Variants in PPP2R2C observed in about 807,000 individuals in gnomAD.
PPP2R2C encodes protein phosphatase 2 regulatory subunit Bgamma.
PPP2R2C carries 10 observed loss-of-function variants against 45.3 expected under a neutral mutation model. That is an observed-to-expected ratio of 0.22 (90% confidence interval 0.14 to 0.37). The LOEUF is 0.37. PPP2R2C is among the 10% of genes least tolerant of loss of function. The pLI is 1.00. For synonymous variants in PPP2R2C, 257 were observed against 245.4 expected (o/e 1.05, Z -0.44); for missense variants, 308 against 619.7 (o/e 0.50, Z 5.34).
In PPP2R2C at chr4:6,378,151, A is replaced by G. The variant is rs112145478; in HGVS notation, c.334+256T>C. ...TGTCTGGCCATGGGGAGCTTCTGAGAGGGTCTGGCATACTCACTCATGGGA... is the reference window on the plus strand; with the variant it reads ...TGTCTGGCCATGGGGAGCTTCTGAGGGGGTCTGGCATACTCACTCATGGGA... On this transcript the variant is annotated intron_variant, in intron 3 of 8. Coordinates refer to ENST00000382599, the MANE Select transcript of PPP2R2C (RefSeq NM_020416.4). The surrounding 1 kb of genome is among the most constrained non-coding windows in gnomAD (Gnocchi z 5.2). Among the ~76,000 whole-genome samples, 2 of 151,680 alleles carry G rather than the reference A, an allele frequency of 1.3e-5. No individual in the cohort carries two copies. Among genetic ancestry groups the G allele is most frequent in the Admixed American group, 6.6e-5 (1 of 15,222 alleles).
intron 1 of PPP2R2C, among the ~76,000 whole-genome samples, chr4:6,392,688 C>A (rs936592758): frequency 2.6e-5 from 4 of 152,216 alleles, no homozygotes; most frequent in Non-Finnish European, 5.9e-5. Flanking sequence ...CGGGGTCCTG[C>A]ACCCAGCAGG....
At position 6,378,351 on chromosome 4, in the gene PPP2R2C, T is replaced by C; in HGVS notation, c.334+56A>G. On this transcript the variant is annotated intron_variant, in intron 3 of 8. Transcript: ENST00000382599. The surrounding 1 kb of genome is among the most constrained non-coding windows in gnomAD (Gnocchi z 5.2). ...ATATAAGTGAAATACAAACCAGCAT[T>C]TGGTAGAAACATCTACGGCCTGTGC... The C allele has an allele frequency of 7.5e-6, 12 of 1,609,532 alleles. No homozygotes were observed. The highest frequency in any genetic ancestry group is 9.3e-6 in the Non-Finnish European group (11 of 1,178,576).
intron 2 of PPP2R2C, among the ~76,000 whole-genome samples, chr4:6,514,275 G>T (rs1349868565): frequency 3.3e-5 from 5 of 152,312 alleles, no homozygotes; most frequent in African/African-American, 1.2e-4. Flanking sequence ...CCAAGTGGAG[G>T]AGTTGGTATT....
rs953236720 is a variant in PPP2R2C at position 6,372,816 on chromosome 4, C to T, written c.448-116G>A. 3.1e-5 allele frequency: 33 copies of T among 1,061,610 alleles called. No homozygotes were observed. The South Asian group carries it at 4.7e-4, about 15-fold the overall frequency. 65.8% of individuals were successfully genotyped at this position (1,061,610 alleles called of 1,614,324 possible). ...CTGGAACACAGGGGTGGGCGTCCAT[C>T]CTGATCCTCCGTGGTCTGAAATAGG... On this transcript the variant is annotated intron_variant, in intron 4 of 8. Coordinates refer to ENST00000382599, the MANE Select transcript of PPP2R2C (RefSeq NM_020416.4).
intron 2 of PPP2R2C, among the ~76,000 whole-genome samples, chr4:6,501,751 T>C (rs1241431557): frequency 6.6e-6 from 1 of 152,186 alleles, no homozygotes; most frequent in Non-Finnish European, 1.5e-5. Flanking sequence ...ATACTCACTC[T>C]CTACCTGGCC....
chr4:6,548,480 A>G (rs572039953), intron 1 of PPP2R2C, among the ~76,000 whole-genome samples: 11 of 152,320 alleles, frequency 7.2e-5, no homozygotes, highest in Admixed American at 5.9e-4. Flanking sequence ...GGATGCAAAG[A>G]CAGCACAGCG....
chr4:6,463,883 G>A (rs1391068252), intron 1 of PPP2R2C, among the ~76,000 whole-genome samples: 1 of 152,270 alleles, frequency 6.6e-6, no homozygotes, highest in African/African-American at 2.4e-5. Context: ...TCGCAACACA[G>A]ATAGCAAGAG....
chr4:6,540,760 G>A (rs1422094046), intron 1 of PPP2R2C, among the ~76,000 whole-genome samples: 3 of 152,250 alleles, frequency 2.0e-5, no homozygotes, highest in African/African-American at 4.8e-5. Flanking sequence ...GTCTTTCCTT[G>A]TGCATCAGGG....
chr4:6,538,713 C>T (rs1469721879), intron 1 of PPP2R2C, among the ~76,000 whole-genome samples: 2 of 152,224 alleles, frequency 1.3e-5, no homozygotes, highest in East Asian at 1.9e-4. Context: ...GCTACGTTCA[C>T]GAAAGAGCCG....
intron 1 of PPP2R2C, among the ~76,000 whole-genome samples, chr4:6,405,620 G>A (rs2109357620): frequency 6.6e-6 from 1 of 152,248 alleles, no homozygotes; most frequent in Non-Finnish European, 1.5e-5. Context: ...AGGTTCCTGG[G>A]GAGTGATTAG....
At chr4:6,359,596 A>T (rs1713544604) in intron 5 of PPP2R2C, among the ~76,000 whole-genome samples, 1 of 150,372 alleles carries the variant, frequency 6.7e-6, no homozygotes, top group African/African-American at 2.4e-5. Flanking sequence ...TACTAAAATA[A>T]TTTTATCATT....
chr4:6,335,353 G>A (rs970955309), intron 6 of PPP2R2C, among the ~76,000 whole-genome samples: 6 of 152,220 alleles, frequency 3.9e-5, no homozygotes, highest in Non-Finnish European at 7.3e-5. Flanking sequence ...TCTGAGTGAA[G>A]TTGGGGAGAG....
chr4:6,561,688 G>C (rs1414683308), intron 1 of PPP2R2C, among the ~76,000 whole-genome samples: 1 of 151,640 alleles, frequency 6.6e-6, no homozygotes, highest in Non-Finnish European at 1.5e-5. Context: ...TACACACACA[G>C]ATACACAGAC....
At chr4:6,421,724 G>C (rs1207702828) in intron 1 of PPP2R2C, among the ~76,000 whole-genome samples, 1 of 12,142 alleles carries the variant, frequency 8.2e-5, no homozygotes, top group East Asian at 0.1. Flanking sequence ...GGCACTCGGA[G>C]GCCCAGCCTC....
At chr4:6,388,775 G>A (rs1282498514) in intron 1 of PPP2R2C, among the ~76,000 whole-genome samples, 1 of 152,222 alleles carries the variant, frequency 6.6e-6, no homozygotes, top group African/African-American at 2.4e-5. Flanking sequence ...GGAGCCGTCA[G>A]AGGGAGCCCA....
chr4:6,443,510 A>G (rs951379067), intron 1 of PPP2R2C, among the ~76,000 whole-genome samples: 2 of 152,150 alleles, frequency 1.3e-5, no homozygotes, highest in African/African-American at 4.8e-5. Context: ...CTTCCGTGGT[A>G]CTTCTCAGAA....
intron 1 of PPP2R2C, among the ~76,000 whole-genome samples, chr4:6,431,533 G>A (rs1253495364): frequency 1.3e-5 from 2 of 152,188 alleles, no homozygotes; most frequent in African/African-American, 4.8e-5. Context: ...AGCCACGTCT[G>A]TGTCCCCAAG....
intron 1 of PPP2R2C, among the ~76,000 whole-genome samples, chr4:6,423,401 A>T (rs1430972619): frequency 1.3e-5 from 2 of 152,142 alleles, no homozygotes; most frequent in Non-Finnish European, 2.9e-5. Context: ...ACGAGGTTTC[A>T]CCACATTGGC....
At chr4:6,444,364 A>G in intron 1 of PPP2R2C, among the ~76,000 whole-genome samples, 1 of 150,334 alleles carries the variant, frequency 6.7e-6, no homozygotes, top group East Asian at 1.9e-4. Context: ...TTTCATACCC[A>G]TTTTCTTATT....
Sources: gnomAD v4.1 joint callset for allele counts (sites outside exome capture counted in the v4.1 genomes callset) on GRCh38, gnomAD v4.1.1 for gene constraint, Gnocchi (gnomAD v3.1) non-coding constraint, MANE v1.5 for transcripts, NCBI Gene and HGNC (gene_info 2026-07-23, HGNC 2026-07-21) for gene names.